Variants in FAM3B observed in about 807,000 individuals in gnomAD.
FAM3B encodes the protein FAM3 metabolism regulating signaling molecule B.
In FAM3B, 29 loss-of-function variants were observed where a neutral mutation model predicts 28.4. The observed-to-expected ratio is 1.02, with a 90% CI of 0.76 to 1.39. The LOEUF is 1.39. Ranked by LOEUF, FAM3B falls within the 40% of genes most tolerant of loss-of-function variation. The pLI, the probability that FAM3B is intolerant of heterozygous loss-of-function variation, is 0.00. For missense variants in FAM3B, 266 were observed against 293.9 expected, an observed-to-expected ratio of 0.91 and a Z score of 0.69; for synonymous variants, 91 against 103.0, an observed-to-expected ratio of 0.88 and a Z score of 0.71.
upstream of FAM3B, among the ~76,000 whole-genome samples, chr21:41,315,521 G>T (rs1393754746): frequency 6.6e-6 from 1 of 152,230 alleles, no homozygotes; most frequent in Non-Finnish European, 1.5e-5. Flanking sequence ...TAAGATTGGC[G>T]GTCAGTTCAT....
intron 2 of FAM3B, among the ~76,000 whole-genome samples, chr21:41,330,988 A>G (rs967889095): frequency 6.6e-6 from 1 of 152,184 alleles, no homozygotes; most frequent in Non-Finnish European, 1.5e-5. Flanking sequence ...CATATATTCT[A>G]CTTTCAATTA....
In FAM3B at chr21:41,331,024, C is replaced by T. The variant is rs550634771; in HGVS notation, c.164-7354C>T. 4.6e-5 allele frequency among the ~76,000 whole-genome samples: 7 copies of T among 152,294 alleles called. No individual in the cohort carries two copies. The South Asian group carries it at 1.5e-3, about 32-fold the overall frequency. ...TTTGAGGAATCTCCATACTGTTTTT[C>T]CATAATGGTTATACTAACCTACATT... On this transcript the variant is annotated intron_variant, in intron 2 of 7. Coordinates refer to ENST00000357985, the MANE Select transcript of FAM3B (RefSeq NM_058186.4).
chr21:41,341,170 A>C (rs1002798312), intron 3 of FAM3B, among the ~76,000 whole-genome samples: 8 of 152,234 alleles, frequency 5.3e-5, no homozygotes, highest in African/African-American at 1.9e-4. Flanking sequence ...ATATCAGTAC[A>C]TCAGGCTTTT....
intron 1 of FAM3B, chr21:41,320,316 TGCCCAGGCTG>T (rs560821881): frequency 6.6e-6 from 1 of 152,234 alleles, no homozygotes; most frequent in Non-Finnish European, 1.5e-5. Context: ...CTCATTATGT[TGCCCAGGCTG>T]GTCTCAAACT....
In FAM3B at chr21:41,348,589, C is replaced by A; in HGVS notation, c.486-3C>A. 1 of 1,614,154 alleles carries A rather than the reference C, an allele frequency of 6.2e-7. No individual in the cohort carries two copies. Among genetic ancestry groups the A allele is most frequent in the East Asian group, 2.2e-5 (1 of 44,892 alleles). On this transcript the variant is annotated splice_region_variant and splice_polypyrimidine_tract_variant and intron_variant, in intron 6 of 7. Transcript: ENST00000357985. The stretch of plus-strand genomic sequence containing the variant: ...CTCACATGCTTTTCCCTTTGTCCTG[C>A]AGACTGAATAACGATGCCAAGAATG...
In FAM3B at chr21:41,316,869, G is replaced by T; in HGVS notation, c.-11G>T. On this transcript the variant is annotated 5_prime_UTR_variant, in exon 1 of 8. Coordinates refer to ENST00000357985, the MANE Select transcript of FAM3B (RefSeq NM_058186.4). The stretch of plus-strand genomic sequence containing the variant: ...TGCCGCCAGGGCCAGGAGGGGAGCG[G>T]CACCTGGAAGATGCGCCCATTGGCT... 7.1e-7 allele frequency: 1 copy of T among 1,418,024 alleles called. No individual in the cohort carries two copies. Among genetic ancestry groups the T allele is most frequent in the East Asian group, 2.9e-5 (1 of 34,650 alleles). 87.8% of individuals were successfully genotyped at this position (1,418,024 alleles called of 1,614,324 possible). A position where few individuals can be genotyped will look rare whatever the true frequency, so the allele number is the denominator to read the frequency against.
At chr21:41,306,606 T>C (rs2088684320) in intron 1 of FAM3B, among the ~76,000 whole-genome samples, 1 of 152,218 alleles carries the variant, frequency 6.6e-6, no homozygotes, top group African/African-American at 2.4e-5. Context: ...ATAAATGAAC[T>C]AATGTTTTCA....
At chr21:41,335,745 A>G (rs925998057) in intron 2 of FAM3B, among the ~76,000 whole-genome samples, 3 of 152,214 alleles carry the variant, frequency 2.0e-5, no homozygotes, top group African/African-American at 7.2e-5. Flanking sequence ...GTTTCATACC[A>G]TGGTAGTAGG....
chr21:41,346,753 A>G lies in FAM3B; in HGVS notation c.398-260A>G, dbSNP rs2089064344. 4.0e-5 allele frequency among the ~76,000 whole-genome samples: 6 copies of G among 151,704 alleles called. No individual in the cohort carries two copies. The South Asian group carries it at 1.2e-3, about 32-fold the overall frequency. Reference sequence around the variant, plus strand: ...CTCCTTATCTTGACCCCCTTTCACTACTGCCCTGAACACCTATTGCAAGTG... The same window carrying G: ...CTCCTTATCTTGACCCCCTTTCACTGCTGCCCTGAACACCTATTGCAAGTG... On this transcript the variant is annotated intron_variant, in intron 5 of 7. Transcript: ENST00000357985.
At chr21:41,311,251 A>AATATATATATATATAT (rs1168140562) in intron 1 of FAM3B, among the ~76,000 whole-genome samples, 1 of 35,072 alleles carries the variant, frequency 2.9e-5, no homozygotes, top group Non-Finnish European at 4.7e-5. Flanking sequence ...AAAAAAAAAA[A>AATATATATATATATAT]ATATATATAT....
chr21:41,351,711 G>A (rs544375376), intron 7 of FAM3B, among the ~76,000 whole-genome samples: 2 of 152,330 alleles, frequency 1.3e-5, no homozygotes, highest in Non-Finnish European at 2.9e-5. Context: ...GCTATTCCAG[G>A]AGTCAGCTTT....
At chr21:41,328,039 T>C (rs1389409245) in intron 2 of FAM3B, among the ~76,000 whole-genome samples, 1 of 152,150 alleles carries the variant, frequency 6.6e-6, no homozygotes, top group Non-Finnish European at 1.5e-5. Flanking sequence ...CTGGAAGTGT[T>C]TCTGAGACAC....
At chr21:41,356,014 T>C (rs940287232) in intron 7 of FAM3B, among the ~76,000 whole-genome samples, 1 of 149,788 alleles carries the variant, frequency 6.7e-6, no homozygotes, top group Non-Finnish European at 1.5e-5. Flanking sequence ...GAAGGAGCTA[T>C]ACAAGGACTC....
intron 1 of FAM3B, among the ~76,000 whole-genome samples, chr21:41,308,728 A>G (rs2088695053): frequency 1.3e-5 from 2 of 151,828 alleles, no homozygotes; most frequent in South Asian, 4.2e-4. Context: ...TAGTAGAGAC[A>G]GGGTTTCGCC....
chr21:41,325,097 C>A (rs1223664475), intron 2 of FAM3B, among the ~76,000 whole-genome samples: 1 of 152,006 alleles, frequency 6.6e-6, no homozygotes, highest in Non-Finnish European at 1.5e-5. Flanking sequence ...GACTCCTTCT[C>A]AAAAACAAAA....
upstream of FAM3B, among the ~76,000 whole-genome samples, chr21:41,313,862 C>T (rs1256858653): frequency 3.9e-5 from 6 of 152,132 alleles, no homozygotes; most frequent in Non-Finnish European, 1.5e-5. Flanking sequence ...AAATTTGTTC[C>T]TCCATTTTCC....
chr21:41,317,367 G>A lies in FAM3B; in HGVS notation c.19+469G>A, dbSNP rs553055609. On this transcript the variant is annotated intron_variant, in intron 1 of 7. Coordinates refer to ENST00000357985, the MANE Select transcript of FAM3B (RefSeq NM_058186.4). ...CTGGCCGCTGCCAGTTGGTAAGGCT[G>A]TTTTTATTTTTTCCATTTTTCAAAC... Among the ~76,000 whole-genome samples, 4 of 152,090 alleles carry A rather than the reference G, an allele frequency of 2.6e-5. No homozygotes were observed. In the South Asian group the frequency reaches 8.3e-4, roughly 32 times the overall value.
At chr21:41,322,848 G>A (rs778978793) in intron 1 of FAM3B, 75 bp from the exon 2 acceptor site, 50 of 1,611,556 alleles carry the variant, frequency 3.1e-5, no homozygotes, top group Non-Finnish European at 4.2e-5. Context: ...AAAAGCCACA[G>A]GGGGGATGGG....
At chr21:41,335,412 G>A (rs2145814400) in intron 2 of FAM3B, among the ~76,000 whole-genome samples, 1 of 152,326 alleles carries the variant, frequency 6.6e-6, no homozygotes, top group South Asian at 2.1e-4. Flanking sequence ...TTCCTCACGA[G>A]TGGTTTAGCA....
Sources: gnomAD v4.1 joint callset for allele counts (sites outside exome capture counted in the v4.1 genomes callset) on GRCh38, gnomAD v4.1.1 for gene constraint, MANE v1.5 for transcripts, NCBI Gene and HGNC (gene_info 2026-07-23, HGNC 2026-07-21) for gene names.